Variants in UBE2L5 observed in about 807,000 individuals in gnomAD.
UBE2L5 encodes the protein ubiquitin conjugating enzyme E2 L5, also known as ubiquitin-conjugating enzyme E2 L5.
Under a neutral mutation model 10.0 loss-of-function variants are expected in UBE2L5, and 3 were observed. That is an observed-to-expected ratio of 0.30 (90% CI 0.14 to 0.78). UBE2L5 has a LOEUF of 0.78. UBE2L5 is among the 30% of genes least tolerant of loss of function. The probability of loss-of-function intolerance (pLI) is 0.65; values close to 1 mark genes in which losing one functional copy is unlikely to be tolerated. For missense variants in UBE2L5, 131 were observed against 193.3 expected, an observed-to-expected ratio of 0.68 and a Z score of 1.91; for synonymous variants, 60 against 71.9, an observed-to-expected ratio of 0.83 and a Z score of 0.83.
In UBE2L5 at chr13:30,429,471, C is replaced by CAAAA. The variant is rs1885593811; in HGVS notation, c.*1016_*1017insAAAA. On this transcript the variant is annotated 3_prime_UTR_variant, in exon 4 of 4. Transcript: ENST00000635918. ...TTTGCCACCTCTCATTTTGGCTGGG[C>CAAAA]TGCTCTGAGGTGCTGCATCTTTTAT... 6.6e-6 allele frequency among the ~76,000 whole-genome samples: 1 copy of CAAAA among 152,122 alleles called. No homozygotes were observed. Among genetic ancestry groups the CAAAA allele is most frequent in the Non-Finnish European group, 1.5e-5 (1 of 68,028 alleles).
chr13:30,423,757 C>T (rs573202273), intron 1 of UBE2L5, among the ~76,000 whole-genome samples: 4 of 152,354 alleles, frequency 2.6e-5, no homozygotes, highest in Admixed American at 2.0e-4. Flanking sequence ...CTTCAGGCCA[C>T]ATCTGATACA....
chr13:30,428,371 A>G lies in UBE2L5; in HGVS notation c.381A>G (p.Glu127=), dbSNP rs913385249. The stretch of plus-strand genomic sequence containing the variant: ...ACCCGCTTCGGGCTGACCTAGCTGA[A>G]GAATACTCTAACGACCGTAAAAAAT... ...PEHPLRADLA[E]EYSNDRKKFC... is the part of the protein sequence containing the mutation. The change falls in exon 4 of 4, where the codon GAA becomes GAG. Residue 127 remains glutamate, a synonymous_variant. Coordinates refer to ENST00000635918, the MANE Select transcript of UBE2L5 (RefSeq NM_001355247.2). 1.2e-4 allele frequency: 189 copies of G among 1,611,798 alleles called. 4 individuals carry two copies. The South Asian group carries it at 2.0e-3, about 17-fold the overall frequency.
chr13:30,428,007 G>A lies in UBE2L5; in HGVS notation c.17G>A (p.Arg6Lys). Residue 6 changes from arginine to lysine, a missense_variant, in exon 4 of 4, where the codon AGG (arginine) becomes AAG (lysine). Coordinates refer to ENST00000635918, the MANE Select transcript of UBE2L5 (RefSeq NM_001355247.2). MAASR[R>K]LMKELEEIRK... ...AAATCCAAGATGGCGGCCAGCAGGA[G>A]GCTGATGAAGGAGCTTGAAGAAATC... The A allele has an allele frequency of 6.3e-7, 1 of 1,586,464 alleles. No individual in the cohort carries two copies. The highest frequency in any genetic ancestry group is 8.7e-7 in the Non-Finnish European group (1 of 1,154,852).
intron 1 of UBE2L5, among the ~76,000 whole-genome samples, chr13:30,424,183 C>T (rs1399137601): frequency 6.6e-6 from 1 of 152,166 alleles, no homozygotes; most frequent in Non-Finnish European, 1.5e-5. Flanking sequence ...CTGTACCTCT[C>T]CAGCTGTCTT....
rs1885588365 is a variant in UBE2L5, at chr13:30,429,278, TC to T, written c.*824del. Among the ~76,000 whole-genome samples the T allele has an allele frequency of 6.6e-6, 1 of 151,036 alleles. No homozygotes were observed. On this transcript the variant is annotated 3_prime_UTR_variant, in exon 4 of 4. Coordinates refer to ENST00000635918, the MANE Select transcript of UBE2L5 (RefSeq NM_001355247.2). Reference sequence around the variant, plus strand: ...CCAGCCTGGGCAACAAGAGCAAAACTCTGTCCCCCCCCCACAAAAAAAAATT... The same window carrying T: ...CCAGCCTGGGCAACAAGAGCAAAACTTGTCCCCCCCCCACAAAAAAAAATT...
intron 2 of UBE2L5, among the ~76,000 whole-genome samples, chr13:30,425,506 T>G (rs1022254864): frequency 6.6e-6 from 1 of 152,222 alleles, no homozygotes; most frequent in African/African-American, 2.4e-5. Context: ...CCACTCACCA[T>G]TCAATACCAT....
In UBE2L5 at chr13:30,428,318, G is replaced by T; in HGVS notation, c.328G>T (p.Ala110Ser). The change falls in exon 4 of 4, where the codon GCA becomes TCA. Residue 110 changes from alanine to serine, a missense_variant. Coordinates refer to ENST00000635918, the MANE Select transcript of UBE2L5 (RefSeq NM_001355247.2). ...KTDQVIQSLIALVNDPQPEHP... is the reference protein window; with the variant it reads ...KTDQVIQSLISLVNDPQPEHP... ...CGACCAAGTAATCCAGTCCCTCATA[G>T]CACTGGTGAATGACCCGCAGCCCGA... 1 of 1,609,962 alleles carries T rather than the reference G, an allele frequency of 6.2e-7. No homozygotes were observed. The highest frequency in any genetic ancestry group is 1.1e-5 in the South Asian group (1 of 90,856).
At position 30,427,767 on chromosome 13, in the gene UBE2L5, G is replaced by A; in HGVS notation, c.-224G>A. 2 of 547,434 alleles carry A rather than the reference G, an allele frequency of 3.7e-6. No homozygotes were observed. Among genetic ancestry groups the A allele is most frequent in the Non-Finnish European group, 6.4e-6 (2 of 312,494 alleles). The allele number at this position is 547,434 out of a possible 1,614,324, so 33.9% of individuals were successfully genotyped here. A position where few individuals can be genotyped will look rare whatever the true frequency, so the allele number is the denominator to read the frequency against. On this transcript the variant is annotated 5_prime_UTR_variant, in exon 4 of 4. Transcript: ENST00000635918. ...TGCAATGAGCAGAGATGGTGCCACT[G>A]CACTCCAGCCTGGGCAACAGAGAGA...
intron 2 of UBE2L5, among the ~76,000 whole-genome samples, chr13:30,425,131 C>T (rs1157235613): frequency 1.3e-5 from 2 of 152,156 alleles, no homozygotes; most frequent in Admixed American, 6.5e-5. Context: ...CCAATGGGGC[C>T]TGAGGGTTAA....
intron 3 of UBE2L5, 82 bp downstream of exon 3, chr13:30,426,860 TC>T (rs1401633657): frequency 6.6e-6 from 1 of 152,232 alleles, no homozygotes; most frequent in Non-Finnish European, 1.5e-5. Context: ...GTGACTGCTG[TC>T]CCATTTTTTT....
rs1885570186 is a variant in UBE2L5, at chr13:30,428,337, A to T, written c.347A>T (p.Gln116Leu). The T allele has an allele frequency of 2.5e-6, 4 of 1,610,646 alleles. No homozygotes were observed. Among genetic ancestry groups the T allele is most frequent in the Non-Finnish European group, 3.4e-6 (4 of 1,178,654 alleles). ...QSLIALVNDP[Q>L]PEHPLRADLA... ...CTCATAGCACTGGTGAATGACCCGC[A>T]GCCCGAGCACCCGCTTCGGGCTGAC... The change falls in exon 4 of 4, where the codon CAG (glutamine) becomes CTG (leucine). Residue 116 changes from glutamine to leucine, a missense_variant. By Grantham distance (113) the Gln-to-Leu change is moderately radical. Coordinates refer to ENST00000635918, the MANE Select transcript of UBE2L5 (RefSeq NM_001355247.2).
rs1885599694 is a variant in UBE2L5, at chr13:30,429,658, C to T, written c.*1203C>T. ...ATATACATAGAGGATTGTTCACTCT[C>T]CTCCTTTTATGAAATAATTTTTAGA... On this transcript the variant is annotated 3_prime_UTR_variant, in exon 4 of 4. Coordinates refer to ENST00000635918, the MANE Select transcript of UBE2L5 (RefSeq NM_001355247.2). 6.6e-6 allele frequency among the ~76,000 whole-genome samples: 1 copy of T among 152,218 alleles called. No homozygotes were observed. The highest frequency in any genetic ancestry group is 1.5e-5 in the Non-Finnish European group (1 of 68,040).
intron 2 of UBE2L5, among the ~76,000 whole-genome samples, chr13:30,425,885 G>A (rs1458614760): frequency 2.0e-5 from 3 of 151,920 alleles, no homozygotes; most frequent in Admixed American, 6.6e-5. Context: ...TTTGCCGGGC[G>A]TGCCTGTAAT....
At chr13:30,424,413 C>T (rs879664493) in intron 1 of UBE2L5, among the ~76,000 whole-genome samples, 12 of 152,294 alleles carry the variant, frequency 7.9e-5, no homozygotes, top group Non-Finnish European at 1.5e-4. Flanking sequence ...GCAGATTCAA[C>T]CAACCAGAGG....
chr13:30,422,584 A>C lies in UBE2L5; in HGVS notation c.-872A>C, dbSNP rs1268792041. 2 of 152,172 alleles carry C rather than the reference A, an allele frequency of 1.3e-5. No homozygotes were observed. Among genetic ancestry groups the C allele is most frequent in the East Asian group, 3.8e-4 (2 of 5,198 alleles). 9.4% of individuals were successfully genotyped at this position (152,172 alleles called of 1,614,324 possible). On this transcript the variant is annotated 5_prime_UTR_variant, in exon 1 of 4. Transcript: ENST00000635918. ...TGGAAAACTACAATTAAAAAAACAT[A>C]GCCGTGAAAATAAATGAGATTAGAA...
chr13:30,428,245 C>G lies in UBE2L5; in HGVS notation c.255C>G (p.Val85=). ...CGAACATCGACGAAAAGGGGCAGGT[C>G]TGTCTGCCAGTAATTAGTGCTGAAA... ...YHPNIDEKGQ[V]CLPVISAENW... Residue 85 remains valine, a synonymous_variant, in exon 4 of 4, where the codon GTC becomes GTG. Transcript: ENST00000635918. 6.2e-7 allele frequency: 1 copy of G among 1,609,274 alleles called. No individual in the cohort carries two copies.
chr13:30,422,979 C>T (rs945800717), intron 1 of UBE2L5, among the ~76,000 whole-genome samples: 2 of 152,176 alleles, frequency 1.3e-5, no homozygotes, highest in African/African-American at 2.4e-5. Context: ...CACAACAAAA[C>T]CTAATTAATT....
intron 1 of UBE2L5, among the ~76,000 whole-genome samples, chr13:30,423,167 T>A (rs2137357114): frequency 6.6e-6 from 1 of 152,338 alleles, no homozygotes. Flanking sequence ...CATGGATAAC[T>A]TCTGCTCTGA....
Position 30,429,021 on chromosome 13 carries a change from A to G in UBE2L5, c.*566A>G, listed in dbSNP as rs1021484549. ...TTTGGTGGCTCACACCTGTAATGCTATCACTTTGGGAAGCTGAGGTGGGTG... is the reference window on the plus strand; with the variant it reads ...TTTGGTGGCTCACACCTGTAATGCTGTCACTTTGGGAAGCTGAGGTGGGTG... On this transcript the variant is annotated 3_prime_UTR_variant, in exon 4 of 4. Coordinates refer to ENST00000635918, the MANE Select transcript of UBE2L5 (RefSeq NM_001355247.2). Among the ~76,000 whole-genome samples the G allele has an allele frequency of 6.6e-6, 1 of 152,082 alleles. No homozygotes were observed. Among genetic ancestry groups the G allele is most frequent in the Non-Finnish European group, 1.5e-5 (1 of 68,010 alleles).
Sources: allele counts gnomAD v4.1 joint callset (sites outside exome capture counted in the v4.1 genomes callset), GRCh38; gene constraint gnomAD v4.1.1; transcripts MANE v1.5; gene names NCBI Gene and HGNC (gene_info 2026-07-23, HGNC 2026-07-21).